PIWIL2: variants seen among roughly 807,000 people sequenced by gnomAD.
The protein encoded by PIWIL2 is piwi-like protein 2.
Under a neutral mutation model 116.5 loss-of-function variants are expected in PIWIL2, and 81 were observed. That is an observed-to-expected ratio of 0.70 (90% CI 0.58 to 0.84). The LOEUF (loss-of-function observed/expected upper bound fraction) is 0.84, where lower values mean the gene tolerates loss of function less well. Ranked by LOEUF, PIWIL2 falls within the 40% of genes least tolerant of loss-of-function variation. The pLI, the probability that PIWIL2 is intolerant of heterozygous loss-of-function variation, is 0.00. For synonymous variants in PIWIL2, 489 were observed against 429.5 expected (o/e 1.14, Z -1.71); for missense variants, 1,272 against 1,212.3 (o/e 1.05, Z -0.73).
At chr8:22,330,496 A>G (rs1338459235) in intron 20 of PIWIL2, among the ~76,000 whole-genome samples, 4 of 151,638 alleles carry the variant, frequency 2.6e-5, no homozygotes, top group African/African-American at 7.3e-5. Flanking sequence ...CAGGGGTTCG[A>G]GACCAGCCTG....
chr8:22,304,618 C>T (rs575805715), intron 11 of PIWIL2, among the ~76,000 whole-genome samples, 166 bp from the exon 12 acceptor site: 52 of 152,224 alleles, frequency 3.4e-4, no homozygotes, highest in African/African-American at 1.1e-3. Context: ...TAATTTGAGC[C>T]TGCTTTTTCC....
chr8:22,290,367 A>G lies in PIWIL2; in HGVS notation c.1181+21A>G, dbSNP rs778592287. ...GTCATGTGAGTGAATGGTGGGGTCTATCTTTAACATGCTGATGATTTTCTG... is the reference window on the plus strand; with the variant it reads ...GTCATGTGAGTGAATGGTGGGGTCTGTCTTTAACATGCTGATGATTTTCTG... On this transcript the variant is annotated intron_variant, in intron 10 of 22. Transcript: ENST00000356766. 21 of 1,327,180 alleles carry G rather than the reference A, an allele frequency of 1.6e-5. No homozygotes were observed. The African/African-American group carries it at 1.7e-4, about 11-fold the overall frequency. 82.2% of individuals were successfully genotyped at this position (1,327,180 alleles called of 1,614,324 possible).
intron 9 of PIWIL2, 135 bp from the exon 10 acceptor site, chr8:22,290,098 A>G (rs906901769): frequency 1.1e-5 from 8 of 707,344 alleles, no homozygotes; most frequent in African/African-American, 5.4e-5. Context: ...AATAATGTCA[A>G]TTAACTTAGT....
At chr8:22,314,942 A>C (rs1831420176) in intron 17 of PIWIL2, 87 bp from the exon 18 acceptor site, 2 of 732,038 alleles carry the variant, frequency 2.7e-6, no homozygotes, top group Non-Finnish European at 4.9e-6. Context: ...TTCTTAAACA[A>C]ATGTAATGTT....
At chr8:22,343,095 C>T (rs1043754419) in intron 20 of PIWIL2, among the ~76,000 whole-genome samples, 14 of 151,686 alleles carry the variant, frequency 9.2e-5, no homozygotes, top group South Asian at 4.2e-4. Context: ...GGTGAAACCC[C>T]GTCTCTACTA....
chr8:22,347,514 G>T (rs7832098), intron 20 of PIWIL2, among the ~76,000 whole-genome samples: 2,893 of 138,492 alleles, frequency 0.021, 54 homozygotes, highest in Non-Finnish European at 0.031. Flanking sequence ...ACTGTGCCTG[G>T]CCTTTTTTTT....
At chr8:22,275,788 G>A (rs1225978846) in intron 1 of PIWIL2, 1 of 152,448 alleles carries the variant, frequency 6.6e-6, no homozygotes, top group Non-Finnish European at 1.5e-5. Flanking sequence ...CGAGGCCTCA[G>A]CGCGGAGCAC....
At chr8:22,309,834 G>T in intron 14 of PIWIL2, 127 bp from the exon 15 acceptor site, 1 of 568,506 alleles carries the variant, frequency 1.8e-6, no homozygotes, top group Non-Finnish European at 3.2e-6. Context: ...TATTCTGCTA[G>T]TCTCAAAAGT....
chr8:22,342,821 C>A (rs1586595581), intron 20 of PIWIL2, among the ~76,000 whole-genome samples: 1 of 152,082 alleles, frequency 6.6e-6, no homozygotes, highest in Non-Finnish European at 1.5e-5. Flanking sequence ...GATGAAACAA[C>A]AAGCCATGAT....
intron 14 of PIWIL2, 67 bp downstream of exon 14, chr8:22,308,140 TC>T (rs1161050939): frequency 8.4e-6 from 11 of 1,309,152 alleles, no homozygotes; most frequent in African/African-American, 1.5e-5. Context: ...TATGTGACTT[TC>T]CTTTTGTTGT....
intron 16 of PIWIL2, among the ~76,000 whole-genome samples, chr8:22,312,416 C>G (rs1015118176): frequency 1.3e-5 from 2 of 152,020 alleles, no homozygotes; most frequent in African/African-American, 4.8e-5. Flanking sequence ...AGGCGTGGGC[C>G]ATCACACCTG....
chr8:22,277,222 A>G (rs1482032824), intron 1 of PIWIL2, among the ~76,000 whole-genome samples: 1 of 151,978 alleles, frequency 6.6e-6, no homozygotes, highest in Non-Finnish European at 1.5e-5. Context: ...GGGTTTCATC[A>G]TGTTTGCCAC....
intron 20 of PIWIL2, among the ~76,000 whole-genome samples, chr8:22,345,957 G>A (rs1586598080): frequency 6.6e-6 from 1 of 152,156 alleles, no homozygotes; most frequent in African/African-American, 2.4e-5. Context: ...CTGCCAATGG[G>A]TATGGGATTA....
chr8:22,316,522 C>G (rs747587521), intron 19 of PIWIL2, among the ~76,000 whole-genome samples, 189 bp downstream of exon 19: 1 of 151,924 alleles, frequency 6.6e-6, no homozygotes, highest in Non-Finnish European at 1.5e-5. Flanking sequence ...CCCTCTGTCA[C>G]CCAGGCTGGA....
chr8:22,291,214 G>T (rs772548208), intron 10 of PIWIL2, among the ~76,000 whole-genome samples: 3 of 151,074 alleles, frequency 2.0e-5, no homozygotes, highest in Non-Finnish European at 4.4e-5. Context: ...GCAGTAGTGT[G>T]ATCTCAACTC....
intron 19 of PIWIL2, 147 bp downstream of exon 19, chr8:22,316,480 T>C: frequency 6.9e-6 from 4 of 576,266 alleles, no homozygotes; most frequent in Non-Finnish European, 9.2e-6. Context: ...GTGAATTTTT[T>C]TTTTCGGGGG....
intron 13 of PIWIL2, 102 bp from the exon 14 acceptor site, chr8:22,307,831 A>G (rs892606275): frequency 1.5e-5 from 13 of 853,814 alleles, no homozygotes; most frequent in Non-Finnish European, 2.0e-5. Flanking sequence ...ATTTCTGCTG[A>G]TTTCAATGGG....
intron 2 of PIWIL2, 113 bp from the exon 3 acceptor site, chr8:22,281,007 T>TTA (rs1830486339): frequency 4.7e-6 from 3 of 637,214 alleles, no homozygotes. Context: ...CCCTTTATTC[T>TTA]TATAACATGT....
chr8:22,303,414 CA>C (rs1359959006), intron 10 of PIWIL2, among the ~76,000 whole-genome samples: 1 of 152,086 alleles, frequency 6.6e-6, no homozygotes, highest in Non-Finnish European at 1.5e-5. Flanking sequence ...AATTTAGGGA[CA>C]GGGCCTTACT....
Sources: allele counts gnomAD v4.1 joint callset (sites outside exome capture counted in the v4.1 genomes callset), GRCh38; gene constraint gnomAD v4.1.1; transcripts MANE v1.5; gene names NCBI Gene and HGNC (gene_info 2026-07-23, HGNC 2026-07-21).